The following PCDHA1 variants were observed in gnomAD, a reference collection of about 807,000 sequenced individuals.
The protein encoded by PCDHA1 is protocadherin alpha-1.
Under a neutral mutation model 61.3 loss-of-function variants are expected in PCDHA1, and 42 were observed. The observed-to-expected ratio is 0.69, with a 90% CI of 0.54 to 0.89. PCDHA1 has a LOEUF of 0.89. Ranked by LOEUF, PCDHA1 falls within the 40% of genes least tolerant of loss-of-function variation. The probability of loss-of-function intolerance (pLI) is 0.00; values close to 1 mark genes in which losing one functional copy is unlikely to be tolerated. For synonymous variants in PCDHA1, 610 were observed against 553.8 expected, an observed-to-expected ratio of 1.10 and a Z score of -1.43; for missense variants, 1,256 against 1,235.3, an observed-to-expected ratio of 1.02 and a Z score of -0.25.
At chr5:140,808,056 A>T (rs1393234929) in intron 1 of PCDHA1, 21 of 1,613,972 alleles carry the variant, frequency 1.3e-5, no homozygotes, top group Non-Finnish European at 1.5e-5. Flanking sequence ...CCAAATGTGA[A>T]ATCCAAGTTT....
intron 3 of PCDHA1, among the ~76,000 whole-genome samples, chr5:141,004,307 A>G (rs924420604): frequency 6.6e-6 from 1 of 152,224 alleles, no homozygotes; most frequent in Admixed American, 6.5e-5. Context: ...TTTGTTTTAT[A>G]CAACAACCAG....
intron 1 of PCDHA1, chr5:140,871,547 A>T: frequency 6.7e-7 from 1 of 1,498,966 alleles, no homozygotes; most frequent in Non-Finnish European, 8.9e-7. Flanking sequence ...AATTATTTAA[A>T]ATCCAGTTTT....
At position 140,829,130 on chromosome 5, in the gene PCDHA1, G is replaced by T. The variant is rs2150162751; in HGVS notation, c.2394+40446G>T. 5 of 1,612,440 alleles carry T rather than the reference G, an allele frequency of 3.1e-6. No homozygotes were observed. The African/African-American group carries it at 6.7e-5, about 22-fold the overall frequency. On this transcript the variant is annotated intron_variant, in intron 1 of 3. Transcript: ENST00000504120. ...GAGAATTTTGGATAAAAATGATAAC[G>T]TCCCTGAGATAGCACTGACTTCCTT...
intron 1 of PCDHA1, chr5:140,848,753 G>A (rs1405880656): frequency 2.5e-6 from 4 of 1,593,302 alleles, no homozygotes; most frequent in African/African-American, 1.3e-5. Context: ...TTTTGTTTGT[G>A]AATTCTCGGA....
rs1554174531 is a variant in PCDHA1 at position 140,882,554 on chromosome 5, T to G, written c.2394+93870T>G. On this transcript the variant is annotated intron_variant, in intron 1 of 3. Transcript: ENST00000504120. ...TTCTCGGATCGACCGCGAGGAGCTG[T>G]GTGGGCGGAGCGCGGAGTGCAGCAT... is the stretch of plus-strand genomic sequence containing the variant. 1.9e-6 allele frequency: 3 copies of G among 1,614,174 alleles called. No homozygotes were observed. The South Asian group carries it at 3.3e-5, about 18-fold the overall frequency.
chr5:140,851,156 T>C (rs1174677153), intron 1 of PCDHA1: 2 of 1,302,318 alleles, frequency 1.5e-6, no homozygotes, highest in South Asian at 2.6e-5. Context: ...GAATTTCTGA[T>C]GCTATGCTGC....
intron 1 of PCDHA1, among the ~76,000 whole-genome samples, chr5:140,838,110 GTGTGT>G (rs1775541794): frequency 6.7e-6 from 1 of 149,788 alleles, no homozygotes; most frequent in Admixed American, 6.7e-5. Flanking sequence ...GTGTGTGTGT[GTGTGT>G]GTGTGTGTGT....
At chr5:140,821,254 A>T (rs2150109156) in intron 1 of PCDHA1, among the ~76,000 whole-genome samples, 3 of 152,214 alleles carry the variant, frequency 2.0e-5, no homozygotes, top group Non-Finnish European at 4.4e-5. Context: ...TTTAACTCTT[A>T]AAAGTTATTT....
At chr5:140,802,258 C>G (rs782045341) in intron 1 of PCDHA1, 21 of 1,614,120 alleles carry the variant, frequency 1.3e-5, no homozygotes, top group Non-Finnish European at 1.3e-5. Flanking sequence ...GTTATTCAAT[C>G]ACTATCTTTA....
At position 140,838,077 on chromosome 5, in the gene PCDHA1, A is replaced by AGTGTGT. The variant is rs57130401; in HGVS notation, c.2394+49442_2394+49447dup. Among the ~76,000 whole-genome samples the AGTGTGT allele has an allele frequency of 1.0e-3, 82 of 80,686 alleles. 1 individual carries two copies. Among genetic ancestry groups the AGTGTGT allele is most frequent in the East Asian group, 2.6e-3 (8 of 3,058 alleles). The allele number at this position is 80,686 out of a possible 152,430, so 52.9% of individuals were successfully genotyped here. A position where few individuals can be genotyped will look rare whatever the true frequency, so the allele number is the denominator to read the frequency against. On this transcript the variant is annotated intron_variant, in intron 1 of 3. Coordinates refer to ENST00000504120, the MANE Select transcript of PCDHA1 (RefSeq NM_018900.4). ...TTTCCACTTTAAGTTATATATATATAGTGTGTGTGTGTGTGTGTGTGTGTG... is the reference window on the plus strand; with the variant it reads ...TTTCCACTTTAAGTTATATATATATAGTGTGTGTGTGTGTGTGTGTGTGTGTGTGTG...
intron 1 of PCDHA1, chr5:140,807,967 G>A: frequency 6.2e-7 from 1 of 1,612,546 alleles, no homozygotes; most frequent in Non-Finnish European, 8.5e-7. Context: ...ATGGAACATT[G>A]GTAATTAAAC....
rs143891810 is a variant in PCDHA1 at position 140,808,404 on chromosome 5, C to T, written c.2394+19720C>T. On this transcript the variant is annotated intron_variant, in intron 1 of 3. Transcript: ENST00000504120. ...GTGTCCACCTTCAAGAATTACTACT[C>T]GTTGGTGCTGGACAGTGCCCTGGAC... The T allele has an allele frequency of 4.0e-3, 6,405 of 1,614,158 alleles. 12 individuals are homozygous for T. The highest frequency in any genetic ancestry group is 4.7e-3 in the Non-Finnish European group (5,490 of 1,180,036).
chr5:140,851,007 T>G, intron 1 of PCDHA1: 1 of 1,436,880 alleles, frequency 7.0e-7, no homozygotes, highest in Non-Finnish European at 9.2e-7. Context: ...CCAGCAGATT[T>G]TTTTTCTGAT....
intron 1 of PCDHA1, chr5:140,968,752 C>T: frequency 6.2e-7 from 1 of 1,614,094 alleles, no homozygotes; most frequent in Non-Finnish European, 8.5e-7. Context: ...CCGTGGTGGT[C>T]CGAGATAATG....
At chr5:140,904,475 T>C (rs1034610314) in intron 1 of PCDHA1, among the ~76,000 whole-genome samples, 1 of 151,866 alleles carries the variant, frequency 6.6e-6, no homozygotes, top group Non-Finnish European at 1.5e-5. Context: ...TGGTGGCTAT[T>C]TGGTCTGATT....
At chr5:140,851,384 C>T (rs1414767152) in intron 1 of PCDHA1, 1 of 975,562 alleles carries the variant, frequency 1.0e-6, no homozygotes, top group East Asian at 1.1e-4. Flanking sequence ...CAGCAACCTT[C>T]AGTATCTATT....
At chr5:140,830,749 G>A (rs1170210676) in intron 1 of PCDHA1, 11 of 188,306 alleles carry the variant, frequency 5.8e-5, no homozygotes, top group Non-Finnish European at 1.1e-4. Context: ...GTTTTCTGTT[G>A]CATTTTAATT....
At chr5:140,876,437 C>T (rs1554168557) in intron 1 of PCDHA1, 1 of 1,613,906 alleles carries the variant, frequency 6.2e-7, no homozygotes, top group Non-Finnish European at 8.5e-7. Context: ...CAGGTTAACG[C>T]CATTGATAAA....
chr5:140,803,269 C>T, intron 1 of PCDHA1: 1 of 1,614,012 alleles, frequency 6.2e-7, no homozygotes, highest in Non-Finnish European at 8.5e-7. Context: ...GGCCCGGAAG[C>T]TGCACTGGTG....
Sources: allele counts gnomAD v4.1 joint callset (sites outside exome capture counted in the v4.1 genomes callset), GRCh38; gene constraint gnomAD v4.1.1; transcripts MANE v1.5; gene names NCBI Gene and HGNC (gene_info 2026-07-23, HGNC 2026-07-21).